Variants in CSMD1 observed in about 807,000 individuals in gnomAD.
CSMD1 encodes the protein CUB and Sushi multiple domains 1.
In CSMD1, 213 loss-of-function variants were observed where a neutral mutation model predicts 417.5. The observed-to-expected ratio is 0.51, with a 90% confidence interval of 0.46 to 0.57. The LOEUF (loss-of-function observed/expected upper bound fraction) is 0.57. Ranked by LOEUF, CSMD1 falls within the 20% of genes least tolerant of loss-of-function variation. CSMD1 has a pLI of 0.00. For synonymous variants in CSMD1, 2,862 were observed against 1,736.8 expected, an observed-to-expected ratio of 1.65 and a Z score of -16.11; for missense variants, 6,923 against 4,529.7, an observed-to-expected ratio of 1.53 and a Z score of -15.17.
At chr8:2,994,839 C>A (rs1301584574) in intron 54 of CSMD1, among the ~76,000 whole-genome samples, 1 of 151,800 alleles carries the variant, frequency 6.6e-6, no homozygotes, top group Non-Finnish European at 1.5e-5. Flanking sequence ...ATATTAAAAC[C>A]AATATCTCTT....
At chr8:4,096,941 A>G (rs975401879) in intron 3 of CSMD1, among the ~76,000 whole-genome samples, 1 of 152,234 alleles carries the variant, frequency 6.6e-6, no homozygotes, top group African/African-American at 2.4e-5. Flanking sequence ...CCCCAAAAAC[A>G]AACGCCATTT....
intron 2 of CSMD1, among the ~76,000 whole-genome samples, chr8:4,478,593 A>C (rs529591128): frequency 5.9e-5 from 9 of 152,252 alleles, no homozygotes; most frequent in Non-Finnish European, 1.0e-4. Flanking sequence ...ATAATGAAGC[A>C]AAAGAAAGTA....
intron 3 of CSMD1, among the ~76,000 whole-genome samples, chr8:4,068,271 T>C (rs1218338053): frequency 6.6e-6 from 1 of 151,582 alleles, no homozygotes; most frequent in South Asian, 2.1e-4. Context: ...CCTCGGAGAG[T>C]TGAGAAGTCT....
intron 26 of CSMD1, among the ~76,000 whole-genome samples, chr8:3,257,285 C>A (rs1800724633): frequency 6.6e-6 from 1 of 152,224 alleles, no homozygotes; most frequent in South Asian, 2.1e-4. Flanking sequence ...AACCGTGCCA[C>A]TGCACTCCAG....
chr8:3,608,063 T>A (rs1392316027), intron 8 of CSMD1, among the ~76,000 whole-genome samples: 1 of 151,770 alleles, frequency 6.6e-6, no homozygotes, highest in South Asian at 2.1e-4. Context: ...TGCCATCTAC[T>A]CAGGAGGCTG....
At chr8:4,639,930 T>C (rs1253704108) in intron 1 of CSMD1, among the ~76,000 whole-genome samples, 1 of 152,156 alleles carries the variant, frequency 6.6e-6, no homozygotes, top group Non-Finnish European at 1.5e-5. Flanking sequence ...ATATTAAAGC[T>C]GTGGGGTTTT....
At chr8:3,677,113 G>A (rs1799415369) in intron 7 of CSMD1, among the ~76,000 whole-genome samples, 1 of 152,010 alleles carries the variant, frequency 6.6e-6, no homozygotes, top group Non-Finnish European at 1.5e-5. Context: ...GACACATGTA[G>A]TTCTATGTAA....
At chr8:4,068,777 TA>T (rs1799391841) in intron 3 of CSMD1, among the ~76,000 whole-genome samples, 2 of 152,214 alleles carry the variant, frequency 1.3e-5, no homozygotes, top group Non-Finnish European at 2.9e-5. Flanking sequence ...CTGAACAGAT[TA>T]GAATATTACA....
At chr8:3,070,378 A>G (rs1813252165) in intron 49 of CSMD1, among the ~76,000 whole-genome samples, 1 of 152,226 alleles carries the variant, frequency 6.6e-6, no homozygotes, top group Admixed American at 6.5e-5. Context: ...TTCCTGCTTA[A>G]ATGTAAATTT....
At chr8:2,973,701 T>G (rs1365836232) in intron 56 of CSMD1, among the ~76,000 whole-genome samples, 2 of 152,004 alleles carry the variant, frequency 1.3e-5, no homozygotes, top group Admixed American at 1.3e-4. Context: ...GGTTTAGCTC[T>G]TCAGAATTGT....
At chr8:4,036,779 C>T (rs1019255793) in intron 3 of CSMD1, among the ~76,000 whole-genome samples, 1 of 152,214 alleles carries the variant, frequency 6.6e-6, no homozygotes, top group Admixed American at 6.5e-5. Context: ...GTTGGCAGCA[C>T]CACTATTTCA....
intron 7 of CSMD1, among the ~76,000 whole-genome samples, chr8:3,699,907 AACTACATCCCT>A (rs1383007451): frequency 1.1e-4 from 14 of 131,366 alleles, no homozygotes; most frequent in East Asian, 7.6e-4. Flanking sequence ...TATATCCCAT[AACTACATCCCT>A]GGGTTATATC....
chr8:4,269,880 G>C (rs1308694152), intron 3 of CSMD1, among the ~76,000 whole-genome samples: 1 of 152,120 alleles, frequency 6.6e-6, no homozygotes, highest in African/African-American at 2.4e-5. Flanking sequence ...CATCATTACT[G>C]GAGTTTATAT....
At chr8:4,661,234 T>G (rs550867692) in intron 1 of CSMD1, among the ~76,000 whole-genome samples, 2 of 152,296 alleles carry the variant, frequency 1.3e-5, no homozygotes, top group East Asian at 3.9e-4. Context: ...AATGAGTGAA[T>G]GGCTAAATAA....
chr8:3,524,715 T>C (rs1341273355), intron 10 of CSMD1, among the ~76,000 whole-genome samples: 1 of 135,616 alleles, frequency 7.4e-6, no homozygotes, highest in African/African-American at 2.8e-5. Context: ...CACAAGCACA[T>C]ACATGCACAC....
At chr8:3,546,391 C>T (rs1414223253) in intron 10 of CSMD1, among the ~76,000 whole-genome samples, 2 of 151,946 alleles carry the variant, frequency 1.3e-5, no homozygotes, top group Non-Finnish European at 2.9e-5. Context: ...AAAAAATTAG[C>T]TGGGTTTGGT....
At chr8:3,565,569 G>C (rs13248151) in intron 10 of CSMD1, among the ~76,000 whole-genome samples, 1 of 151,930 alleles carries the variant, frequency 6.6e-6, no homozygotes, top group South Asian at 2.1e-4. Context: ...TCAAATGCAA[G>C]TGAATGCCTC....
intron 5 of CSMD1, among the ~76,000 whole-genome samples, chr8:3,758,640 C>T (rs140561319): frequency 1.3e-5 from 2 of 152,282 alleles, no homozygotes; most frequent in African/African-American, 4.8e-5. Context: ...TGTGAACTCT[C>T]TAACAACTTG....
At chr8:3,885,995 A>G (rs1338268750) in intron 5 of CSMD1, among the ~76,000 whole-genome samples, 2 of 151,500 alleles carry the variant, frequency 1.3e-5, no homozygotes, top group Non-Finnish European at 2.9e-5. Flanking sequence ...TTATATATAT[A>G]TGTGTACATA....
Sources: allele counts gnomAD v4.1 joint callset (sites outside exome capture counted in the v4.1 genomes callset), GRCh38; gene constraint gnomAD v4.1.1; transcripts MANE v1.5; gene names NCBI Gene and HGNC (gene_info 2026-07-23, HGNC 2026-07-21).